DCLK1: variants seen among roughly 807,000 people sequenced by gnomAD.
DCLK1 encodes serine/threonine-protein kinase DCLK1.
DCLK1 carries 16 observed loss-of-function variants against 86.2 expected under a neutral mutation model. That is an observed-to-expected ratio of 0.19 (90% confidence interval 0.13 to 0.28). The LOEUF is 0.28. Ranked by LOEUF, DCLK1 falls within the 10% of genes least tolerant of loss-of-function variation. The pLI is 1.00. For missense variants in DCLK1, 590 were observed against 940.2 expected, an observed-to-expected ratio of 0.63 and a Z score of 4.87; for synonymous variants, 369 against 370.5, an observed-to-expected ratio of 1.00 and a Z score of 0.05.
At chr13:35,825,906 G>A (rs376850998) in intron 10 of DCLK1, among the ~76,000 whole-genome samples, 7 of 151,494 alleles carry the variant, frequency 4.6e-5, no homozygotes, top group African/African-American at 1.5e-4. Flanking sequence ...ACCACCTCCC[G>A]GGTTCAAGCG....
intron 5 of DCLK1, among the ~76,000 whole-genome samples, chr13:35,861,621 T>C (rs936448913): frequency 1.4e-5 from 2 of 147,182 alleles, no homozygotes; most frequent in East Asian, 3.9e-4. Context: ...CTACCTGACA[T>C]CTCAACATCA....
At chr13:36,077,960 A>G (rs79628657) in intron 3 of DCLK1, among the ~76,000 whole-genome samples, 3,514 of 152,278 alleles carry the variant, frequency 0.023, 41 homozygotes, top group South Asian at 0.062. Context: ...CTAACCAGTA[A>G]TTTAGTAAGA....
At chr13:35,818,686 C>G (rs946849035) in intron 11 of DCLK1, among the ~76,000 whole-genome samples, 2 of 152,036 alleles carry the variant, frequency 1.3e-5, no homozygotes, top group Non-Finnish European at 2.9e-5. Flanking sequence ...TTTGAAAGAC[C>G]TGCCCAGGTC....
intron 6 of DCLK1, among the ~76,000 whole-genome samples, chr13:35,844,877 T>C (rs1870061369): frequency 6.6e-6 from 1 of 152,208 alleles, no homozygotes; most frequent in Admixed American, 6.5e-5. Context: ...TTAATGTAAT[T>C]CGAAGATTAA....
chr13:35,773,070 TAA>T lies in DCLK1; in HGVS notation c.*1463_*1464del, dbSNP rs1343082635. 1.3e-5 allele frequency: 2 copies of T among 152,194 alleles called. No homozygotes were observed. Among genetic ancestry groups the T allele is most frequent in the Non-Finnish European group, 2.9e-5 (2 of 68,046 alleles). The allele number at this position is 152,194 out of a possible 1,614,324, so 9.4% of individuals were successfully genotyped here. A position where few individuals can be genotyped will look rare whatever the true frequency, so the allele number is the denominator to read the frequency against. Reference sequence around the variant, plus strand: ...TACATTTGAGTTGGGCACCTGCCTCTAAGACACCCCAGGAGAATCCTCTCTGA... The same window carrying T: ...TACATTTGAGTTGGGCACCTGCCTCTGACACCCCAGGAGAATCCTCTCTGA... On this transcript the variant is annotated 3_prime_UTR_variant, in exon 17 of 17. Coordinates refer to ENST00000360631, the MANE Select transcript of DCLK1 (RefSeq NM_001330071.2).
intron 4 of DCLK1, among the ~76,000 whole-genome samples, chr13:35,883,572 C>T (rs1295866500): frequency 1.3e-5 from 2 of 152,124 alleles, no homozygotes; most frequent in Non-Finnish European, 2.9e-5. Flanking sequence ...AATTACCCAG[C>T]CTCAAGTATT....
intron 11 of DCLK1, among the ~76,000 whole-genome samples, chr13:35,811,323 A>T (rs2087136666): frequency 6.6e-6 from 1 of 152,086 alleles, no homozygotes; most frequent in South Asian, 2.1e-4. Flanking sequence ...TCCATTAAAG[A>T]AAAAAAGTAC....
At chr13:35,775,920 A>AAGAGAT (rs1343197723) in intron 16 of DCLK1, among the ~76,000 whole-genome samples, 2 of 152,184 alleles carry the variant, frequency 1.3e-5, no homozygotes, top group Admixed American at 6.5e-5. Flanking sequence ...TGAAGTAATA[A>AAGAGAT]AGAGATAAAG....
intron 16 of DCLK1, among the ~76,000 whole-genome samples, chr13:35,790,248 A>G (rs2086688899): frequency 6.6e-6 from 1 of 152,212 alleles, no homozygotes; most frequent in Non-Finnish European, 1.5e-5. Flanking sequence ...CTCTCATATC[A>G]TAAATTACAC....
chr13:35,865,299 G>A (rs1026392799), intron 5 of DCLK1, among the ~76,000 whole-genome samples: 1 of 151,650 alleles, frequency 6.6e-6, no homozygotes, highest in Non-Finnish European at 1.5e-5. Flanking sequence ...CTAGATCTGT[G>A]TTCCAAATAT....
intron 4 of DCLK1, among the ~76,000 whole-genome samples, chr13:35,873,232 A>C (rs1383785707): frequency 6.6e-6 from 1 of 152,100 alleles, no homozygotes; most frequent in African/African-American, 2.4e-5. Context: ...TGGAAGGCAG[A>C]GGCTGCAGTG....
At chr13:35,848,824 C>T in intron 6 of DCLK1, 1 of 985,286 alleles carries the variant, frequency 1.0e-6, no homozygotes, top group Non-Finnish European at 1.2e-6. Context: ...CTTTTATGGA[C>T]CCAACTGTAT....
chr13:36,022,310 A>G (rs562298355), intron 3 of DCLK1, among the ~76,000 whole-genome samples: 7 of 152,128 alleles, frequency 4.6e-5, no homozygotes, highest in Non-Finnish European at 1.0e-4. Flanking sequence ...TTACTTAAAA[A>G]AAAGAAAGAT....
intron 3 of DCLK1, among the ~76,000 whole-genome samples, chr13:35,976,447 G>A (rs1879334938): frequency 6.6e-6 from 1 of 151,374 alleles, no homozygotes; most frequent in African/African-American, 2.4e-5. Flanking sequence ...AGCAGATGAT[G>A]CTTAAGCCTG....
At chr13:35,948,038 GC>G (rs1358431499) in intron 3 of DCLK1, among the ~76,000 whole-genome samples, 1 of 152,162 alleles carries the variant, frequency 6.6e-6, no homozygotes, top group Non-Finnish European at 1.5e-5. Flanking sequence ...CCCAAGCTCT[GC>G]CAAACTCTAA....
intron 3 of DCLK1, among the ~76,000 whole-genome samples, chr13:36,106,725 C>T (rs913073): frequency 0.6 from 91,374 of 151,944 alleles, 28,077 homozygotes; most frequent in East Asian, 0.86. Context: ...AACCTCCTTT[C>T]CCATTCCAAA....
At position 35,839,152 on chromosome 13, in the gene DCLK1, T is replaced by C; in HGVS notation, c.1060A>G (p.Thr354Ala). ...CAGACTTTGGTGGACGCAAGTGACGTAGAGGAGCCGCCATGCTGAGAGCTC... is the reference window on the plus strand; with the variant it reads ...CAGACTTTGGTGGACGCAAGTGACGCAGAGGAGCCGCCATGCTGAGAGCTC... ...QRSSQHGGSS[T>A]SLASTKVCSS... is the part of the protein sequence containing the mutation. The change falls in exon 7 of 17, where the codon ACG (threonine) becomes GCG (alanine). Residue 354 changes from threonine (T) to alanine (A), a missense_variant. Physicochemically the swap from Thr to Ala is moderately conservative, Grantham distance 58 (BLOSUM62 0). This residue lies in a region of DCLK1 where 63 missense variants were observed against 64.3 expected (regional missense o/e 0.98). Coordinates refer to ENST00000360631, the MANE Select transcript of DCLK1 (RefSeq NM_001330071.2). 5.0e-6 allele frequency: 8 copies of C among 1,588,728 alleles called. No homozygotes were observed. The highest frequency in any genetic ancestry group is 6.9e-6 in the Non-Finnish European group (8 of 1,167,690).
intron 3 of DCLK1, among the ~76,000 whole-genome samples, chr13:35,954,051 G>T (rs1416073043): frequency 6.6e-6 from 1 of 151,946 alleles, no homozygotes; most frequent in Non-Finnish European, 1.5e-5. Context: ...TGCAATTATC[G>T]AGTATGGCAC....
chr13:35,785,522 C>G (rs1289684037), intron 16 of DCLK1, among the ~76,000 whole-genome samples: 1 of 152,122 alleles, frequency 6.6e-6, no homozygotes, highest in South Asian at 2.1e-4. Context: ...TTGGAAGCAG[C>G]TCTCTGGTAT....
Sources: gnomAD v4.1 joint callset for allele counts (sites outside exome capture counted in the v4.1 genomes callset) on GRCh38, gnomAD v4.1.1 for gene constraint, gnomAD v4.1.1 regional missense constraint, MANE v1.5 for transcripts, NCBI Gene and HGNC (gene_info 2026-07-23, HGNC 2026-07-21) for gene names.